Variants in ANXA2 observed in about 807,000 individuals in gnomAD.
ANXA2 encodes the protein annexin II.
A neutral mutation model predicts 47.3 loss-of-function variants in ANXA2; 28 were observed. The observed-to-expected ratio is 0.59, with a 90% CI of 0.44 to 0.81. ANXA2 has a LOEUF of 0.81. Ranked by LOEUF, ANXA2 falls within the 40% of genes least tolerant of loss-of-function variation. The pLI is 0.00. For synonymous variants in ANXA2, 172 were observed against 155.5 expected (o/e 1.11, Z -0.79); for missense variants, 384 against 414.3 (o/e 0.93, Z 0.64).
intron 7 of ANXA2, chr15:60,355,337 G>T (rs1253805958): frequency 1.2e-5 from 2 of 169,400 alleles, no homozygotes; most frequent in African/African-American, 2.4e-5. Flanking sequence ...TGAGTGGGCC[G>T]GACGCACTAT....
At chr15:60,353,202 T>C (rs1190969450) in intron 8 of ANXA2, among the ~76,000 whole-genome samples, 9 of 152,262 alleles carry the variant, frequency 5.9e-5, no homozygotes, top group Non-Finnish European at 1.3e-4. Flanking sequence ...TACTTTGAGA[T>C]AATCGTTGTC....
At chr15:60,370,843 C>T (rs955062759) in intron 3 of ANXA2, among the ~76,000 whole-genome samples, 5 of 152,046 alleles carry the variant, frequency 3.3e-5, no homozygotes, top group Admixed American at 6.6e-5. Flanking sequence ...GTGGGTGGGG[C>T]GAGGGCATAA....
intron 11 of ANXA2, among the ~76,000 whole-genome samples, chr15:60,349,841 A>C (rs745845170): frequency 1.2e-3 from 146 of 119,648 alleles, no homozygotes; most frequent in Middle Eastern, 4.2e-3. Context: ...AGGGGAAGGA[A>C]AGGGAGGGAG....
At chr15:60,382,078 A>G (rs1157760209) in intron 3 of ANXA2, among the ~76,000 whole-genome samples, 4 of 148,790 alleles carry the variant, frequency 2.7e-5, no homozygotes, top group East Asian at 2.0e-4. Flanking sequence ...GGGAGGAAGG[A>G]AGGAAGAGCA....
chr15:60,349,152 G>C lies in ANXA2; in HGVS notation c.883C>G (p.Arg295Gly). ...ATTTTCAACATGTCCACTTCACTGC[G>C]GGAGACCATGATTCTGATCAGGACC... Reference protein sequence around the residue: ...DKVLIRIMVSRSEVDMLKIRS... With the variant: ...DKVLIRIMVSGSEVDMLKIRS... Residue 295 changes from arginine (R) to glycine (G), a missense_variant, in exon 12 of 13, where the codon CGC becomes GGC. Arg to Gly is a moderately radical substitution (Grantham distance 125, BLOSUM62 -2). Coordinates refer to ENST00000451270, the MANE Select transcript of ANXA2 (RefSeq NM_004039.3). 1 of 1,613,890 alleles carries C rather than the reference G, an allele frequency of 6.2e-7. No homozygotes were observed.
chr15:60,355,108 G>A (rs1444970623), intron 7 of ANXA2, among the ~76,000 whole-genome samples: 5 of 152,168 alleles, frequency 3.3e-5, no homozygotes, highest in African/African-American at 7.2e-5. Flanking sequence ...AGAGCTGAGC[G>A]GGAAAGATGA....
chr15:60,348,643 G>C (rs1375673252), intron 12 of ANXA2, among the ~76,000 whole-genome samples: 1 of 151,800 alleles, frequency 6.6e-6, no homozygotes, highest in Non-Finnish European at 1.5e-5. Flanking sequence ...TACTTGGGAG[G>C]CTGAGGCAGG....
Position 60,397,934 on chromosome 15 carries a change from C to T in ANXA2, c.-12+9G>A, listed in dbSNP as rs778951500. On this transcript the variant is annotated intron_variant, in intron 1 of 12. Transcript: ENST00000451270. ...CCCATCGCGGGCGGGCAGGGCGCGC[C>T]CCGCTTACCTGGGCCGTGCGCCGAG... 62 of 1,319,162 alleles carry T rather than the reference C, an allele frequency of 4.7e-5. 1 individual carries two copies. Among genetic ancestry groups the T allele is most frequent in the Non-Finnish European group, 4.5e-5 (47 of 1,033,700 alleles). 81.7% of individuals were successfully genotyped at this position (1,319,162 alleles called of 1,614,324 possible). A position where few individuals can be genotyped will look rare whatever the true frequency, so the allele number is the denominator to read the frequency against.
At chr15:60,362,763 T>C (rs1469793908) in intron 4 of ANXA2, 3 of 152,166 alleles carry the variant, frequency 2.0e-5, no homozygotes, top group Non-Finnish European at 1.5e-5. Context: ...TGATGAGCTG[T>C]CCCCAGCACA....
chr15:60,375,515 C>T (rs1290927502), intron 3 of ANXA2, among the ~76,000 whole-genome samples: 7 of 152,178 alleles, frequency 4.6e-5, no homozygotes, highest in Non-Finnish European at 8.8e-5. Context: ...GTTGTACACG[C>T]CATCGTATAT....
chr15:60,383,655 G>A (rs1012431824), intron 2 of ANXA2: 4 of 152,284 alleles, frequency 2.6e-5, no homozygotes, highest in African/African-American at 9.6e-5. Flanking sequence ...GTTGGCTGAT[G>A]GCTGGTGGAG....
rs1169629534 is a variant in ANXA2 at position 60,352,536 on chromosome 15, T to A, written c.589-60A>T. 5.5e-6 allele frequency: 7 copies of A among 1,275,180 alleles called. No individual in the cohort carries two copies. Among genetic ancestry groups the A allele is most frequent in the Admixed American group, 4.3e-5 (2 of 46,922 alleles). The allele number at this position is 1,275,180 out of a possible 1,614,324, so 79.0% of individuals were successfully genotyped here. A position where few individuals can be genotyped will look rare whatever the true frequency, so the allele number is the denominator to read the frequency against. ...ACATCCAATGTAACGTCAAAAAAAATGTCATGCAAAAAAAACAAAAAAAGC... is the reference window on the plus strand; with the variant it reads ...ACATCCAATGTAACGTCAAAAAAAAAGTCATGCAAAAAAAACAAAAAAAGC... On this transcript the variant is annotated intron_variant, in intron 8 of 12. Transcript: ENST00000451270. The surrounding 1 kb of genome is among the most constrained non-coding windows in gnomAD (Gnocchi z 4.2).
intron 1 of ANXA2, among the ~76,000 whole-genome samples, chr15:60,393,901 T>C (rs1320221954): frequency 6.6e-6 from 1 of 152,216 alleles, no homozygotes; most frequent in African/African-American, 2.4e-5. Flanking sequence ...TGGGTCTTTC[T>C]ATATTAGAAA....
chr15:60,382,192 G>A (rs1461133617), intron 3 of ANXA2, 150 bp downstream of exon 3: 1 of 568,040 alleles, frequency 1.8e-6, no homozygotes. Context: ...AAGGAAAGGA[G>A]GCATGGGTTG....
At chr15:60,373,405 A>T (rs2062735916) in intron 3 of ANXA2, among the ~76,000 whole-genome samples, 1 of 152,232 alleles carries the variant, frequency 6.6e-6, no homozygotes. Flanking sequence ...CCAGTCATCC[A>T]TCTAGTGAGA....
At chr15:60,356,157 A>G (rs975239180) in intron 6 of ANXA2, among the ~76,000 whole-genome samples, 159 bp from the exon 7 acceptor site, 2 of 152,166 alleles carry the variant, frequency 1.3e-5, no homozygotes, top group Admixed American at 6.5e-5. Context: ...GATTCACTAG[A>G]ATGATTTTCG....
At chr15:60,359,323 T>G (rs1012300278) in intron 5 of ANXA2, among the ~76,000 whole-genome samples, 3 of 152,168 alleles carry the variant, frequency 2.0e-5, no homozygotes, top group Non-Finnish European at 4.4e-5. Flanking sequence ...ACTAAATAGA[T>G]TCTTGATGAA....
intron 1 of ANXA2, chr15:60,395,781 T>G (rs186025832): frequency 6.6e-6 from 1 of 152,238 alleles, no homozygotes; most frequent in East Asian, 1.9e-4. Flanking sequence ...GGCAGTCTAG[T>G]TGGCACTGCG....
chr15:60,355,012 T>TA (rs2062406074), intron 7 of ANXA2, among the ~76,000 whole-genome samples: 1 of 152,050 alleles, frequency 6.6e-6, no homozygotes, highest in African/African-American at 2.4e-5. Context: ...CAGATGCAGC[T>TA]AGCCAAGCAG....
Sources: gnomAD v4.1 joint callset for allele counts (sites outside exome capture counted in the v4.1 genomes callset) on GRCh38, gnomAD v4.1.1 for gene constraint, Gnocchi (gnomAD v3.1) non-coding constraint, MANE v1.5 for transcripts, NCBI Gene and HGNC (gene_info 2026-07-23, HGNC 2026-07-21) for gene names.